ITPR1: variants seen among roughly 807,000 people sequenced by gnomAD.
ITPR1 encodes inositol 1,4,5-trisphosphate receptor type 1.
Under a neutral mutation model 318.4 loss-of-function variants are expected in ITPR1, and 96 were observed. The ratio of observed to expected loss-of-function variants is 0.30; its 90% confidence interval spans 0.26 to 0.36. The LOEUF (loss-of-function observed/expected upper bound fraction) is 0.36. ITPR1 is among the 10% of genes least tolerant of loss of function. The pLI, the probability that ITPR1 is intolerant of heterozygous loss-of-function variation, is 1.00. For missense variants in ITPR1, 2,440 were observed against 3,460.2 expected (o/e 0.71, Z 7.40); for synonymous variants, 1,312 against 1,289.9 (o/e 1.02, Z -0.37).
In ITPR1 at chr3:4,673,302, G is replaced by T; in HGVS notation, c.2371G>T (p.Val791Leu). Residue 791 changes from valine to leucine, a missense_variant, in exon 21 of 62, where the codon GTG becomes TTG. Coordinates refer to ENST00000649015, the MANE Select transcript of ITPR1 (RefSeq NM_001378452.1). Reference protein sequence around the residue: ...SFCRLMLHMHVDRDPQEQVTP... With the variant: ...SFCRLMLHMHLDRDPQEQVTP... ...CTGCCGCCTCATGCTTCACATGCAT[G>T]TGGACCGAGATCCCCAGGAACAAGT... 1.2e-6 allele frequency: 2 copies of T among 1,613,948 alleles called. No individual in the cohort carries two copies. Among genetic ancestry groups the T allele is most frequent in the Non-Finnish European group, 1.7e-6 (2 of 1,179,876 alleles).
At chr3:4,497,054 A>G (rs11714599) in intron 2 of ITPR1, among the ~76,000 whole-genome samples, 14,090 of 60,052 alleles carry the variant, frequency 0.23, 870 homozygotes, top group South Asian at 0.47. Context: ...CCAGAAGTCC[A>G]TGCAGTTTTT....
At chr3:4,814,041 A>T (rs1440344231) in intron 57 of ITPR1, among the ~76,000 whole-genome samples, 1 of 152,202 alleles carries the variant, frequency 6.6e-6, no homozygotes, top group Non-Finnish European at 1.5e-5. Context: ...CCAGTGAGGA[A>T]CCTGTGTCCT....
chr3:4,660,272 C>T (rs750918726), intron 13 of ITPR1, among the ~76,000 whole-genome samples: 23 of 152,112 alleles, frequency 1.5e-4, no homozygotes, highest in African/African-American at 4.6e-4. Flanking sequence ...TTAAATTACC[C>T]GTTTGTGTCC....
chr3:4,564,565 G>A (rs564289852), intron 4 of ITPR1, among the ~76,000 whole-genome samples: 1 of 152,226 alleles, frequency 6.6e-6, no homozygotes, highest in South Asian at 2.1e-4. Context: ...GATAACCAAG[G>A]TAGTGTTAGG....
At chr3:4,797,439 G>A (rs917147445) in intron 53 of ITPR1, among the ~76,000 whole-genome samples, 5 of 152,226 alleles carry the variant, frequency 3.3e-5, no homozygotes, top group East Asian at 1.9e-4. Context: ...TATAATGGCC[G>A]TATTATGTGT....
At chr3:4,707,244 T>C (rs930663171) in intron 37 of ITPR1, among the ~76,000 whole-genome samples, 1 of 152,222 alleles carries the variant, frequency 6.6e-6, no homozygotes, top group Non-Finnish European at 1.5e-5. Context: ...TCTCTTTTGC[T>C]CTTCTGGAGG....
intron 4 of ITPR1, among the ~76,000 whole-genome samples, chr3:4,557,174 G>T (rs962954215): frequency 6.6e-6 from 1 of 152,172 alleles, no homozygotes; most frequent in Admixed American, 6.5e-5. Flanking sequence ...AAGGAAAGAG[G>T]TTTAATTGAA....
At chr3:4,761,768 G>A (rs902657471) in intron 44 of ITPR1, among the ~76,000 whole-genome samples, 1 of 152,190 alleles carries the variant, frequency 6.6e-6, no homozygotes, top group Non-Finnish European at 1.5e-5. Flanking sequence ...GGGCGGGGAG[G>A]CTGTGCACCC....
chr3:4,823,169 T>G (rs1295278407), intron 60 of ITPR1, among the ~76,000 whole-genome samples: 1 of 152,234 alleles, frequency 6.6e-6, no homozygotes, highest in Non-Finnish European at 1.5e-5. Flanking sequence ...GTGAATTCAT[T>G]ATGAGCACTT....
At chr3:4,732,494 TTA>T (rs2042995765) in intron 42 of ITPR1, among the ~76,000 whole-genome samples, 2 of 152,254 alleles carry the variant, frequency 1.3e-5, no homozygotes, top group South Asian at 4.1e-4. Flanking sequence ...GGGTTTTTTT[TTA>T]TATATTTGAT....
At chr3:4,843,160 C>G (rs1470750127) in intron 61 of ITPR1, among the ~76,000 whole-genome samples, 1 of 134,500 alleles carries the variant, frequency 7.4e-6, no homozygotes, top group Non-Finnish European at 1.5e-5. Flanking sequence ...TTGCCCAATT[C>G]CTTCTCCTTT....
chr3:4,521,144 C>A (rs753042744), intron 4 of ITPR1, 50 bp downstream of exon 4: 2 of 1,287,956 alleles, frequency 1.6e-6, no homozygotes, highest in East Asian at 2.3e-5. Flanking sequence ...CTTGAAAATT[C>A]TTGAAGTGTG....
intron 9 of ITPR1, 44 bp from the exon 10 acceptor site, chr3:4,645,538 T>C (rs2093434615): frequency 1.2e-6 from 2 of 1,608,534 alleles, no homozygotes; most frequent in Non-Finnish European, 8.5e-7. Flanking sequence ...TAATTCTCTT[T>C]TTAAATTCTT....
chr3:4,597,120 G>A (rs1407980719), intron 4 of ITPR1, among the ~76,000 whole-genome samples: 1 of 152,192 alleles, frequency 6.6e-6, no homozygotes, highest in African/African-American at 2.4e-5. Context: ...GAGCCCCGTG[G>A]TGCCAAATCC....
chr3:4,652,267 C>T (rs772285603), intron 11 of ITPR1, 49 bp downstream of exon 11: 18 of 1,310,918 alleles, frequency 1.4e-5, no homozygotes, highest in South Asian at 7.5e-5. Context: ...ACGCACCTCA[C>T]CGCCTTTCCT....
chr3:4,520,556 T>A (rs2082481413), intron 3 of ITPR1, among the ~76,000 whole-genome samples: 1 of 151,554 alleles, frequency 6.6e-6, no homozygotes, highest in South Asian at 2.1e-4. Context: ...TCTGGCTGTA[T>A]TTTTTTTTCT....
intron 3 of ITPR1, among the ~76,000 whole-genome samples, chr3:4,519,081 A>G (rs1323611200): frequency 6.6e-6 from 1 of 152,314 alleles, no homozygotes; most frequent in East Asian, 1.9e-4. Context: ...TTACAGATGA[A>G]AAAACTGAGA....
intron 60 of ITPR1, among the ~76,000 whole-genome samples, chr3:4,822,917 G>A (rs112095584): frequency 1.3e-5 from 2 of 152,338 alleles, no homozygotes; most frequent in African/African-American, 2.4e-5. Flanking sequence ...TCCTTTCCCT[G>A]CGGGAACTTG....
chr3:4,717,581 T>C (rs2041866780), intron 40 of ITPR1, among the ~76,000 whole-genome samples, 182 bp downstream of exon 40: 1 of 152,154 alleles, frequency 6.6e-6, no homozygotes. Flanking sequence ...ATGAGTTTGT[T>C]TGCCATTAGT....
Sources: allele counts gnomAD v4.1 joint callset (sites outside exome capture counted in the v4.1 genomes callset), GRCh38; gene constraint gnomAD v4.1.1; transcripts MANE v1.5; gene names NCBI Gene and HGNC (gene_info 2026-07-23, HGNC 2026-07-21).